ACVR2B: variants seen among roughly 807,000 people sequenced by gnomAD.
ACVR2B encodes activin A receptor type 2B.
ACVR2B carries 18 observed loss-of-function variants against 65.1 expected under a neutral mutation model. That is an observed-to-expected ratio of 0.28 (90% CI 0.19 to 0.41). The LOEUF (loss-of-function observed/expected upper bound fraction) is 0.41. Among genes scored for constraint, ACVR2B ranks in the 10% least tolerant of loss-of-function variants. The pLI, the probability that ACVR2B is intolerant of heterozygous loss-of-function variation, is 1.00. For synonymous variants in ACVR2B, 298 were observed against 277.7 expected, an observed-to-expected ratio of 1.07 and a Z score of -0.73; for missense variants, 482 against 682.7, an observed-to-expected ratio of 0.71 and a Z score of 3.28.
intron 8 of ACVR2B, 95 bp from the exon 9 acceptor site, chr3:38,482,093 TCTGTCTTGCC>T: frequency 6.7e-7 from 1 of 1,500,278 alleles, no homozygotes; most frequent in Non-Finnish European, 9.3e-7. Context: ...TCTGAATTGC[TCTGTCTTGCC>T]CGCCATCTGG....
At chr3:38,479,408 G>T in intron 6 of ACVR2B, 137 bp downstream of exon 6, 5 of 1,338,626 alleles carry the variant, frequency 3.7e-6, no homozygotes. Context: ...TCCACTATGG[G>T]GTTACTCCTG....
intron 10 of ACVR2B, 115 bp downstream of exon 10, chr3:38,482,675 C>A: frequency 6.9e-7 from 1 of 1,447,624 alleles, no homozygotes; most frequent in Non-Finnish European, 9.4e-7. Flanking sequence ...CTGCGACGTT[C>A]CCTGGACTCT....
At chr3:38,474,362 T>C (rs1320178415) in intron 1 of ACVR2B, 3 of 152,398 alleles carry the variant, frequency 2.0e-5, no homozygotes, top group East Asian at 3.8e-4. Flanking sequence ...GCTTGTTGCT[T>C]GTCTGAATGG....
chr3:38,471,453 T>TTGA (rs3831839), intron 1 of ACVR2B, among the ~76,000 whole-genome samples: 78,350 of 151,732 alleles, frequency 0.52, 21,331 homozygotes, highest in Non-Finnish European at 0.61. Context: ...ATTTAGTCAG[T>TTGA]TGATCTTTAG....
chr3:38,467,684 T>G (rs895336816), intron 1 of ACVR2B, among the ~76,000 whole-genome samples: 1 of 151,534 alleles, frequency 6.6e-6, no homozygotes, highest in Admixed American at 6.6e-5. Context: ...CTCAGGAGTT[T>G]GAGGCTGCAG....
intron 7 of ACVR2B, among the ~76,000 whole-genome samples, chr3:38,480,607 C>A (rs759385077): frequency 6.6e-6 from 1 of 152,166 alleles, no homozygotes; most frequent in Admixed American, 6.5e-5. Context: ...CAAATTCCAG[C>A]GTTCAAAGCT....
At chr3:38,480,654 A>G (rs1260752823) in intron 7 of ACVR2B, among the ~76,000 whole-genome samples, 1 of 152,238 alleles carries the variant, frequency 6.6e-6, no homozygotes, top group Non-Finnish European at 1.5e-5. Context: ...AATGACATAG[A>G]AGGTAGACTG....
intron 1 of ACVR2B, among the ~76,000 whole-genome samples, chr3:38,472,532 C>T (rs1178041286): frequency 1.3e-5 from 2 of 151,332 alleles, no homozygotes; most frequent in Non-Finnish European, 3.0e-5. Flanking sequence ...TGGTGAGTGG[C>T]ACTCCTTCTC....
chr3:38,470,985 C>T (rs1385422300), intron 1 of ACVR2B, among the ~76,000 whole-genome samples: 1 of 152,038 alleles, frequency 6.6e-6, no homozygotes, highest in East Asian at 1.9e-4. Flanking sequence ...TGAGACCGAA[C>T]TCTAATTAAA....
intron 1 of ACVR2B, among the ~76,000 whole-genome samples, chr3:38,455,477 G>C (rs1268929866): frequency 1.3e-5 from 2 of 152,034 alleles, no homozygotes; most frequent in Admixed American, 6.5e-5. Flanking sequence ...GGGCGGGGCC[G>C]GGCGTGCAGG....
At chr3:38,472,547 G>A (rs558371361) in intron 1 of ACVR2B, among the ~76,000 whole-genome samples, 5 of 151,694 alleles carry the variant, frequency 3.3e-5, no homozygotes, top group African/African-American at 7.2e-5. Flanking sequence ...CTTCTCACCT[G>A]GTGAGTGGCA....
chr3:38,466,450 G>A (rs565848314), intron 1 of ACVR2B, among the ~76,000 whole-genome samples: 3 of 151,672 alleles, frequency 2.0e-5, no homozygotes, highest in South Asian at 4.2e-4. Flanking sequence ...GTATCAAAAC[G>A]TATTCTACCC....
intron 5 of ACVR2B, among the ~76,000 whole-genome samples, 197 bp from the exon 6 acceptor site, chr3:38,478,931 T>A (rs1709963583): frequency 6.6e-6 from 1 of 151,294 alleles, no homozygotes; most frequent in Non-Finnish European, 1.5e-5. Context: ...GTTGGCCTCA[T>A]GCTCTGGGGC....
chr3:38,479,671 C>G lies in ACVR2B; in HGVS notation c.811-7C>G, dbSNP rs1709982107. 4 of 1,613,996 alleles carry G rather than the reference C, an allele frequency of 2.5e-6. No homozygotes were observed. Among genetic ancestry groups the G allele is most frequent in the East Asian group, 4.5e-5 (2 of 44,886 alleles). Reference sequence around the variant, plus strand: ...CTGTGCTCAAGTTCTGTGCTGTCTTCTCTCAGGGCTCCCTCACGGATTACC... The same window carrying G: ...CTGTGCTCAAGTTCTGTGCTGTCTTGTCTCAGGGCTCCCTCACGGATTACC... On this transcript the variant is annotated splice_region_variant and splice_polypyrimidine_tract_variant and intron_variant, in intron 6 of 10. Transcript: ENST00000352511.
rs189056451 is a variant in ACVR2B at position 38,478,603 on chromosome 3, C to G, written c.666+85C>G. ...CTCTCCTGACCTGGGGCAATCCAAA[C>G]CCCAAATAATATTGTGGTATGAGAG... On this transcript the variant is annotated intron_variant, in intron 5 of 10. Coordinates refer to ENST00000352511, the MANE Select transcript of ACVR2B (RefSeq NM_001106.4). The G allele has an allele frequency of 2.5e-5, 40 of 1,580,610 alleles. No homozygotes were observed. The African/African-American group carries it at 4.6e-4, about 18-fold the overall frequency.
chr3:38,476,140 T>C (rs1021752504), intron 1 of ACVR2B: 1 of 152,278 alleles, frequency 6.6e-6, no homozygotes, highest in Non-Finnish European at 1.5e-5. Context: ...CTCTTTCCTA[T>C]GTCAGGGCTA....
chr3:38,479,011 T>C, intron 5 of ACVR2B, 117 bp from the exon 6 acceptor site: 1 of 1,369,302 alleles, frequency 7.3e-7, no homozygotes, highest in Non-Finnish European at 1.0e-6. Context: ...GGGTGGGGAT[T>C]GGGCTGGGAG....
rs1709494646 is a variant in ACVR2B at position 38,453,964 on chromosome 3, C to CA, written c.-359_-358insA. The stretch of plus-strand genomic sequence containing the variant: ...CTCCCCTCCCCCCCACCCCTCCCCC[C>CA]GTTCATGGCCCCTCCGGACTCGGCC... On this transcript the variant is annotated 5_prime_UTR_variant, in exon 1 of 11. Coordinates refer to ENST00000352511, the MANE Select transcript of ACVR2B (RefSeq NM_001106.4). 5 of 147,882 alleles carry CA rather than the reference C, an allele frequency of 3.4e-5. No homozygotes were observed. The highest frequency in any genetic ancestry group is 6.7e-5 in the Admixed American group (1 of 15,008). 9.2% of individuals were successfully genotyped at this position (147,882 alleles called of 1,614,324 possible).
At chr3:38,467,519 A>G (rs1273780141) in intron 1 of ACVR2B, among the ~76,000 whole-genome samples, 1 of 152,054 alleles carries the variant, frequency 6.6e-6, no homozygotes, top group Non-Finnish European at 1.5e-5. Flanking sequence ...TGGTGGTTCA[A>G]GTGGGGAGGA....
Sources: gnomAD v4.1 joint callset for allele counts (sites outside exome capture counted in the v4.1 genomes callset) on GRCh38, gnomAD v4.1.1 for gene constraint, MANE v1.5 for transcripts, NCBI Gene and HGNC (gene_info 2026-07-23, HGNC 2026-07-21) for gene names.